Variants in MYO16 observed in about 807,000 individuals in gnomAD.
The protein encoded by MYO16 is unconventional myosin-XVI.
MYO16 carries 94 observed loss-of-function variants against 205.3 expected under a neutral mutation model. The ratio of observed to expected loss-of-function variants is 0.46; its 90% CI spans 0.39 to 0.54. MYO16 has a LOEUF of 0.54. MYO16 is among the 20% of genes least tolerant of loss of function. MYO16 has a pLI of 0.00. For missense variants in MYO16, 2,315 were observed against 2,387.5 expected, an observed-to-expected ratio of 0.97 and a Z score of 0.63; for synonymous variants, 988 against 954.0, an observed-to-expected ratio of 1.04 and a Z score of -0.66.
the MYO16 span, among the ~76,000 whole-genome samples, chr13:108,552,692 CT>C: frequency 2.3e-4 from 35 of 152,174 alleles, no homozygotes; most frequent in African/African-American, 8.4e-4. Context: ...TACCCCATGA[CT>C]TCACTCCTTC....
At chr13:109,017,678 C>G (rs185235308) in intron 22 of MYO16, among the ~76,000 whole-genome samples, 3 of 152,086 alleles carry the variant, frequency 2.0e-5, no homozygotes, top group Middle Eastern at 3.4e-3. Flanking sequence ...CTCTTTTTTT[C>G]TCTAAACTTC....
At chr13:108,706,771 G>A (rs1883525748) in intron 2 of MYO16, among the ~76,000 whole-genome samples, 1 of 152,218 alleles carries the variant, frequency 6.6e-6, no homozygotes, top group African/African-American at 2.4e-5. Context: ...TTGGCTTACA[G>A]TCTTCAGGAT....
chr13:108,594,546 C>A (rs1217094390), upstream of MYO16, among the ~76,000 whole-genome samples: 1 of 152,198 alleles, frequency 6.6e-6, no homozygotes, highest in Non-Finnish European at 1.5e-5. Flanking sequence ...TATTACATGG[C>A]CATCTTTTAA....
intron 1 of MYO16, among the ~76,000 whole-genome samples, chr13:108,647,586 A>ACTTAAAATTGAGAAATTTTTTCTCAT (rs1255537547): frequency 6.6e-6 from 1 of 151,998 alleles, no homozygotes. Context: ...TTTTTTCTCA[A>ACTTAAAATTGAGAAATTTTTTCTCAT]CTTAAAATTG....
intron 22 of MYO16, among the ~76,000 whole-genome samples, chr13:109,013,108 T>TCCCCCCCC (rs1177754621): frequency 1.6e-3 from 53 of 32,626 alleles, no homozygotes; most frequent in South Asian, 2.1e-3. Flanking sequence ...ATGCTACCCC[T>TCCCCCCCC]CCCCCACCCC....
At chr13:109,091,832 C>A (rs1470350495) in intron 27 of MYO16, among the ~76,000 whole-genome samples, 1 of 152,108 alleles carries the variant, frequency 6.6e-6, no homozygotes, top group Admixed American at 6.5e-5. Flanking sequence ...TGGTTCTCCC[C>A]AAATATTATT....
At chr13:109,076,503 G>A (rs1888108327) in intron 27 of MYO16, among the ~76,000 whole-genome samples, 2 of 152,186 alleles carry the variant, frequency 1.3e-5, no homozygotes, top group Non-Finnish European at 1.5e-5. Flanking sequence ...AGCTCCAGGA[G>A]AAGCCTCTAC....
intron 14 of MYO16, among the ~76,000 whole-genome samples, chr13:108,896,372 T>C (rs1880412855): frequency 6.6e-6 from 1 of 152,184 alleles, no homozygotes; most frequent in African/African-American, 2.4e-5. Flanking sequence ...CTAAGTACTA[T>C]TTCATTTTTT....
chr13:109,125,809 T>C lies in MYO16; in HGVS notation c.3782+451T>C, dbSNP rs1876220128. Among the ~76,000 whole-genome samples, 1 of 152,214 alleles carries C rather than the reference T, an allele frequency of 6.6e-6. No individual in the cohort carries two copies. The highest frequency in any genetic ancestry group is 1.5e-5 in the Non-Finnish European group (1 of 68,044). On this transcript the variant is annotated intron_variant, in intron 30 of 34. Coordinates refer to ENST00000457511, the MANE Select transcript of MYO16 (RefSeq NM_001198950.3). The surrounding 1 kb of genome is among the most constrained non-coding windows in gnomAD (Gnocchi z 4.0). Reference sequence around the variant, plus strand: ...GGAAGAAGTGAACTCAATAGATAGATTGTAAGTGTATTATATATCCCTGTG... The same window carrying C: ...GGAAGAAGTGAACTCAATAGATAGACTGTAAGTGTATTATATATCCCTGTG...
At chr13:108,941,296 G>A (rs758426164) in intron 16 of MYO16, among the ~76,000 whole-genome samples, 2 of 152,122 alleles carry the variant, frequency 1.3e-5, no homozygotes, top group Non-Finnish European at 2.9e-5. Flanking sequence ...GAGACAGATC[G>A]AGGGGATGCT....
chr13:108,636,357 T>TG (rs1248370044), intron 1 of MYO16, among the ~76,000 whole-genome samples: 474 of 60,600 alleles, frequency 7.8e-3, no homozygotes, highest in Non-Finnish European at 0.012. Context: ...TTTTTTTTTT[T>TG]TTTTTTTTTT....
chr13:109,031,284 G>A (rs1035088784), intron 23 of MYO16, among the ~76,000 whole-genome samples: 7 of 152,048 alleles, frequency 4.6e-5, no homozygotes, highest in Non-Finnish European at 1.0e-4. Context: ...TAGGGATGGG[G>A]TTTCACCATA....
chr13:108,998,769 G>A (rs1885120020), intron 21 of MYO16, among the ~76,000 whole-genome samples: 1 of 152,140 alleles, frequency 6.6e-6, no homozygotes, highest in Admixed American at 6.5e-5. Flanking sequence ...GCTGTTGGCT[G>A]GGGGCCTCAG....
chr13:108,727,533 C>T lies in MYO16; in HGVS notation c.457C>T (p.His153Tyr), dbSNP rs1316132087. The T allele has an allele frequency of 1.2e-6, 2 of 1,613,956 alleles. No individual in the cohort carries two copies. Among genetic ancestry groups the T allele is most frequent in the Non-Finnish European group, 1.7e-6 (2 of 1,179,998 alleles). ...HQDEDFWTPM[H>Y]IACACDNPDI... ...GGATGAAGACTTCTGGACGCCCATGCACATTGCCTGTGCCTGCGATAACCC... is the reference window on the plus strand; with the variant it reads ...GGATGAAGACTTCTGGACGCCCATGTACATTGCCTGTGCCTGCGATAACCC... Residue 153 changes from histidine (H) to tyrosine (Y), a missense_variant, in exon 4 of 35, where the codon CAC becomes TAC. Transcript: ENST00000457511.
At chr13:108,501,465 A>G in the MYO16 span, among the ~76,000 whole-genome samples, 1 of 152,208 alleles carries the variant, frequency 6.6e-6, no homozygotes, top group South Asian at 2.1e-4. Context: ...CCTTCTACAG[A>G]TGAGGAAAAG....
intron 4 of MYO16, among the ~76,000 whole-genome samples, chr13:108,769,281 G>A (rs1056579860): frequency 6.6e-6 from 1 of 152,198 alleles, no homozygotes; most frequent in South Asian, 2.1e-4. Flanking sequence ...GTGGCACCAG[G>A]ATGGGCCAGA....
At chr13:108,890,164 G>A (rs916062174) in intron 14 of MYO16, among the ~76,000 whole-genome samples, 30 of 128,892 alleles carry the variant, frequency 2.3e-4, no homozygotes, top group South Asian at 1.5e-3. Context: ...AGCTGGTCTC[G>A]AACTCCTGGG....
intron 22 of MYO16, among the ~76,000 whole-genome samples, chr13:109,013,210 T>C (rs1885676949): frequency 6.8e-6 from 1 of 148,056 alleles, no homozygotes; most frequent in South Asian, 2.1e-4. Context: ...AGTGAGAACA[T>C]GCGGTGTTTG....
chr13:109,070,804 A>G (rs188412603), intron 27 of MYO16, among the ~76,000 whole-genome samples: 32 of 152,320 alleles, frequency 2.1e-4, no homozygotes, highest in Admixed American at 2.1e-3. Context: ...TAATATTCCT[A>G]AGGTGAAGCA....
Sources: gnomAD v4.1 joint callset for allele counts (sites outside exome capture counted in the v4.1 genomes callset) on GRCh38, gnomAD v4.1.1 for gene constraint, Gnocchi (gnomAD v3.1) non-coding constraint, MANE v1.5 for transcripts, NCBI Gene and HGNC (gene_info 2026-07-23, HGNC 2026-07-21) for gene names.